ADAMTSL1: variants seen among roughly 807,000 people sequenced by gnomAD.
ADAMTSL1 encodes ADAMTS-like protein 1.
In ADAMTSL1, 126 loss-of-function variants were observed where a neutral mutation model predicts 201.8. The ratio of observed to expected loss-of-function variants is 0.62; its 90% CI spans 0.54 to 0.72. ADAMTSL1 has a LOEUF of 0.72. ADAMTSL1 is among the 30% of genes least tolerant of loss of function. ADAMTSL1 has a pLI of 0.00. For missense variants in ADAMTSL1, 2,679 were observed against 2,277.8 expected (o/e 1.18, Z -3.59); for synonymous variants, 1,121 against 903.4 (o/e 1.24, Z -4.32).
chr9:18,865,711 G>C (rs540553487), intron 23 of ADAMTSL1, among the ~76,000 whole-genome samples: 1 of 152,266 alleles, frequency 6.6e-6, no homozygotes, highest in East Asian at 1.9e-4. Context: ...GGGGCCTAAA[G>C]ACAATATTTT....
At chr9:18,307,893 T>C (rs73428970) in intron 2 of ADAMTSL1, among the ~76,000 whole-genome samples, 10,350 of 152,168 alleles carry the variant, frequency 0.068, 1,142 homozygotes, top group African/African-American at 0.23. Context: ...AGAATATACA[T>C]TCTTTTCAGC....
chr9:18,279,337 G>T (rs1253437579), intron 2 of ADAMTSL1, among the ~76,000 whole-genome samples: 1 of 151,958 alleles, frequency 6.6e-6, no homozygotes, highest in Non-Finnish European at 1.5e-5. Flanking sequence ...TGTGCAGGTG[G>T]ACCCACAGAG....
chr9:18,710,760 G>C (rs1471352047), intron 14 of ADAMTSL1, among the ~76,000 whole-genome samples: 1 of 146,794 alleles, frequency 6.8e-6, no homozygotes. Context: ...TGTAACATTG[G>C]GTTGGTCAAT....
intron 23 of ADAMTSL1, among the ~76,000 whole-genome samples, chr9:18,831,092 C>T (rs910671641): frequency 4.6e-5 from 7 of 152,178 alleles, no homozygotes; most frequent in Admixed American, 2.6e-4. Flanking sequence ...CCTCAATTTT[C>T]GTTTTCATCT....
intron 23 of ADAMTSL1, among the ~76,000 whole-genome samples, chr9:18,839,855 G>T (rs886511325): frequency 6.6e-6 from 1 of 150,494 alleles, no homozygotes; most frequent in African/African-American, 2.5e-5. Flanking sequence ...GTCTGTTCAT[G>T]TCCTTCGCCC....
chr9:18,638,859 T>G (rs1365661695), intron 6 of ADAMTSL1, among the ~76,000 whole-genome samples: 1 of 152,048 alleles, frequency 6.6e-6, no homozygotes, highest in African/African-American at 2.4e-5. Flanking sequence ...CCCTGGATCT[T>G]GTAGAGCAAA....
chr9:18,387,046 G>A (rs1387433637), intron 2 of ADAMTSL1, among the ~76,000 whole-genome samples: 3 of 151,946 alleles, frequency 2.0e-5, no homozygotes, highest in South Asian at 2.1e-4. Context: ...GGATGTTCAC[G>A]AAATATTGTT....
chr9:18,353,663 G>T (rs530742167), intron 2 of ADAMTSL1, among the ~76,000 whole-genome samples: 1 of 152,242 alleles, frequency 6.6e-6, no homozygotes, highest in Admixed American at 6.5e-5. Context: ...GTACTATTAA[G>T]GTTGCCCATA....
chr9:18,379,807 G>A (rs990459739), intron 2 of ADAMTSL1, among the ~76,000 whole-genome samples: 3 of 152,262 alleles, frequency 2.0e-5, no homozygotes, highest in African/African-American at 7.2e-5. Context: ...GTAAGAAGGT[G>A]TAAAAGTGAG....
chr9:18,595,534 C>A (rs1824205291), intron 4 of ADAMTSL1, among the ~76,000 whole-genome samples: 1 of 152,184 alleles, frequency 6.6e-6, no homozygotes, highest in Non-Finnish European at 1.5e-5. Flanking sequence ...TGAGACTGGA[C>A]TTCTTGGAAT....
chr9:18,210,033 C>T (rs1829803214), intron 2 of ADAMTSL1, among the ~76,000 whole-genome samples: 1 of 152,018 alleles, frequency 6.6e-6, no homozygotes, highest in African/African-American at 2.4e-5. Flanking sequence ...TATAAGTGGG[C>T]TACATTGCTA....
intron 2 of ADAMTSL1, among the ~76,000 whole-genome samples, chr9:18,273,890 C>T (rs1832482885): frequency 6.6e-6 from 1 of 152,214 alleles, no homozygotes; most frequent in South Asian, 2.1e-4. Context: ...TAATCATTGT[C>T]AACTGTGCAG....
chr9:18,411,313 C>T (rs193089627), intron 2 of ADAMTSL1, among the ~76,000 whole-genome samples: 222 of 152,078 alleles, frequency 1.5e-3, no homozygotes, highest in Non-Finnish European at 2.8e-3. Context: ...CCTTCCACTT[C>T]AGCCTCCCAA....
chr9:18,460,392 T>C (rs1224575367), intron 2 of ADAMTSL1, among the ~76,000 whole-genome samples: 1 of 152,166 alleles, frequency 6.6e-6, no homozygotes, highest in Non-Finnish European at 1.5e-5. Flanking sequence ...CCAGGTCCTT[T>C]TCAATTTCAA....
intron 1 of ADAMTSL1, among the ~76,000 whole-genome samples, chr9:17,915,685 C>T (rs1826064656): frequency 6.6e-6 from 1 of 152,150 alleles, no homozygotes; most frequent in African/African-American, 2.4e-5. Flanking sequence ...ATGAGAGTTC[C>T]AGTTCCTCTG....
chr9:18,540,332 A>G (rs1198768924), intron 3 of ADAMTSL1, among the ~76,000 whole-genome samples: 1 of 152,226 alleles, frequency 6.6e-6, no homozygotes, highest in Non-Finnish European at 1.5e-5. Context: ...ACTTGATCTT[A>G]GCCAAAAGGC....
chr9:18,000,632 T>C (rs999479014), intron 1 of ADAMTSL1, among the ~76,000 whole-genome samples: 1 of 152,108 alleles, frequency 6.6e-6, no homozygotes. Context: ...TCATTTGTTA[T>C]TCACTTAGCG....
In ADAMTSL1 at chr9:18,125,691, A is replaced by G. The variant is rs146980263; in HGVS notation, c.88-38171A>G. On this transcript the variant is annotated intron_variant, in intron 1 of 29. Transcript: ENST00000680146. Reference sequence around the variant, plus strand: ...TTGTTGAAGAAACTATTCTTTCCCCACATTTAATTAGCTTGTCACCTTTAT... The same window carrying G: ...TTGTTGAAGAAACTATTCTTTCCCCGCATTTAATTAGCTTGTCACCTTTAT... Among the ~76,000 whole-genome samples the G allele has an allele frequency of 1.1e-3, 170 of 152,296 alleles. 1 individual carries two copies. The highest frequency in any genetic ancestry group is 3.8e-3 in the African/African-American group (160 of 41,580).
At chr9:17,927,467 A>C (rs1227837684) in intron 1 of ADAMTSL1, among the ~76,000 whole-genome samples, 1 of 151,300 alleles carries the variant, frequency 6.6e-6, no homozygotes, top group African/African-American at 2.4e-5. Flanking sequence ...CATGCAGTGG[A>C]ATATTTTATA....
Sources: gnomAD v4.1 joint callset for allele counts (sites outside exome capture counted in the v4.1 genomes callset) on GRCh38, gnomAD v4.1.1 for gene constraint, MANE v1.5 for transcripts, NCBI Gene and HGNC (gene_info 2026-07-23, HGNC 2026-07-21) for gene names.